MTA3: variants seen among roughly 807,000 people sequenced by gnomAD.
The protein encoded by MTA3 is metastasis associated 1 family member 3, also known as metastasis-associated protein MTA3.
A neutral mutation model predicts 83.5 loss-of-function variants in MTA3; 34 were observed. The ratio of observed to expected loss-of-function variants is 0.41; its 90% CI spans 0.31 to 0.54. The LOEUF (loss-of-function observed/expected upper bound fraction) is 0.54, where lower values mean the gene tolerates loss of function less well. Among genes scored for constraint, MTA3 ranks in the 20% least tolerant of loss-of-function variants. The pLI is 0.33. For synonymous variants in MTA3, 303 were observed against 252.7 expected (o/e 1.20, Z -1.89); for missense variants, 761 against 726.4 (o/e 1.05, Z -0.55).
chr2:42,610,707 A>G (rs530846705), intron 4 of MTA3, among the ~76,000 whole-genome samples: 1 of 152,170 alleles, frequency 6.6e-6, no homozygotes, highest in Non-Finnish European at 1.5e-5. Context: ...CTCGGTCAGG[A>G]AAGCTTCAAG....
At chr2:42,525,298 C>G (rs1469096488) in intron 2 of MTA3, among the ~76,000 whole-genome samples, 3 of 151,910 alleles carry the variant, frequency 2.0e-5, no homozygotes, top group East Asian at 3.9e-4. Flanking sequence ...CTCTCAGGTT[C>G]AAGCAATTCT....
At position 42,709,102 on chromosome 2, in the gene MTA3, A is replaced by G. The variant is rs901115718; in HGVS notation, c.1525+6A>G. The G allele has an allele frequency of 1.3e-6, 2 of 1,579,128 alleles. No individual in the cohort carries two copies. The highest frequency in any genetic ancestry group is 2.3e-5 in the South Asian group (2 of 87,762). On this transcript the variant is annotated splice_donor_region_variant and intron_variant, in intron 14 of 16. Coordinates refer to ENST00000405094, the MANE Select transcript of MTA3 (RefSeq NM_001330442.2). ...TGCTGCCATTAGGGCAGAATGTAAG[A>G]TGCTTTTAAATTCTTAACCTTATAT...
intron 2 of MTA3, among the ~76,000 whole-genome samples, chr2:42,527,037 A>T (rs1463024511): frequency 7.2e-6 from 1 of 139,462 alleles, no homozygotes; most frequent in Non-Finnish European, 1.5e-5. Context: ...CTGATAACAA[A>T]GCAAGACTCT....
chr2:42,550,967 C>A (rs1196805698), intron 2 of MTA3, among the ~76,000 whole-genome samples: 1 of 151,736 alleles, frequency 6.6e-6, no homozygotes, highest in Admixed American at 6.6e-5. Flanking sequence ...AGGAGAATAG[C>A]TTGAATCCAG....
chr2:42,652,063 C>G (rs753580796), intron 6 of MTA3, among the ~76,000 whole-genome samples: 10 of 151,918 alleles, frequency 6.6e-5, no homozygotes, highest in Non-Finnish European at 1.5e-4. Context: ...CGGCATTGCA[C>G]TCCAGGGTGG....
chr2:42,743,845 A>C (rs1669214846), intron 16 of MTA3, among the ~76,000 whole-genome samples: 1 of 152,152 alleles, frequency 6.6e-6, no homozygotes, highest in African/African-American at 2.4e-5. Flanking sequence ...GAATTCCAAA[A>C]AAAATAGACT....
rs141035482 is a variant in MTA3, at chr2:42,645,264, C to T, written c.499+1020C>T. On this transcript the variant is annotated intron_variant, in intron 6 of 16. Coordinates refer to ENST00000405094, the MANE Select transcript of MTA3 (RefSeq NM_001330442.2). ...AACAGGCTGGGTGCAGTGGCTCATG[C>T]CTTTAATCCCAGCACTTTGAGGGGC... Among the ~76,000 whole-genome samples, 511 of 151,624 alleles carry T rather than the reference C, an allele frequency of 3.4e-3. 7 individuals are homozygous for T. In the East Asian group the frequency reaches 0.05, roughly 15 times the overall value.
chr2:42,609,577 C>T lies in MTA3; in HGVS notation c.310C>T (p.His104Tyr). The T allele has an allele frequency of 6.2e-7, 1 of 1,613,512 alleles. No individual in the cohort carries two copies. Among genetic ancestry groups the T allele is most frequent in the Non-Finnish European group, 8.5e-7 (1 of 1,179,636 alleles). ...CCAGTATGAATCTCTGCCCGCAACACATATCAGGTAAGAACTTTTTAGGAA... is the reference window on the plus strand; with the variant it reads ...CCAGTATGAATCTCTGCCCGCAACATATATCAGGTAAGAACTTTTTAGGAA... ...SRQYESLPAT[H>Y]IRGKCSVALL... Residue 104 changes from histidine to tyrosine, a missense_variant, in exon 4 of 17, where the codon CAT (histidine) becomes TAT (tyrosine). Transcript: ENST00000405094.
chr2:42,636,689 C>T (rs1232698716), intron 4 of MTA3, among the ~76,000 whole-genome samples: 1 of 139,382 alleles, frequency 7.2e-6, no homozygotes, highest in Non-Finnish European at 1.5e-5. Context: ...TGCAGTGGTG[C>T]GATCTCGGCT....
intron 11 of MTA3, 54 bp from the exon 12 acceptor site, chr2:42,704,140 T>A: frequency 6.4e-7 from 1 of 1,567,194 alleles, no homozygotes; most frequent in Non-Finnish European, 8.7e-7. Context: ...GATATAGAGC[T>A]TTTTGCCTTA....
intron 2 of MTA3, among the ~76,000 whole-genome samples, chr2:42,578,691 G>A (rs1679306177): frequency 6.6e-6 from 1 of 152,140 alleles, no homozygotes; most frequent in Admixed American, 6.6e-5. Flanking sequence ...TGGACGAGGT[G>A]TGTTTAAATG....
intron 3 of MTA3, among the ~76,000 whole-genome samples, chr2:42,587,353 G>C (rs1680462629): frequency 6.6e-6 from 1 of 152,012 alleles, no homozygotes; most frequent in African/African-American, 2.4e-5. Flanking sequence ...ACATTTAAAA[G>C]ATACAAAAAT....
At chr2:42,626,556 A>G (rs895370369) in intron 4 of MTA3, among the ~76,000 whole-genome samples, 2 of 151,826 alleles carry the variant, frequency 1.3e-5, no homozygotes, top group African/African-American at 4.8e-5. Context: ...TCGGCCCCCC[A>G]AAGTGCTGGG....
intron 2 of MTA3, among the ~76,000 whole-genome samples, chr2:42,539,728 T>C (rs990395583): frequency 6.6e-6 from 1 of 151,608 alleles, no homozygotes; most frequent in Non-Finnish European, 1.5e-5. Flanking sequence ...ACTACAGTCA[T>C]GTGCCACCAT....
Position 42,530,564 on chromosome 2 carries a change from A to T in MTA3, c.-141+35310A>T, listed in dbSNP as rs1373339598. 2.6e-5 allele frequency among the ~76,000 whole-genome samples: 4 copies of T among 151,712 alleles called. No individual in the cohort carries two copies. The East Asian group carries it at 7.9e-4, about 30-fold the overall frequency. ...TTTGGGAGGCCGAGGCGGGCAGATC[A>T]CCTGAGGTCGGGAGTTTGAGACCAG... is the stretch of plus-strand genomic sequence containing the variant. On this transcript the variant is annotated intron_variant, in intron 2 of 17. Transcript: ENST00000405592.
chr2:42,541,329 C>T (rs1676509750), intron 2 of MTA3, among the ~76,000 whole-genome samples: 1 of 152,180 alleles, frequency 6.6e-6, no homozygotes, highest in African/African-American at 2.4e-5. Context: ...CTGCGCCCAG[C>T]CCAAATTTTG....
At chr2:42,546,736 G>A (rs1412685593) in intron 2 of MTA3, among the ~76,000 whole-genome samples, 2 of 152,058 alleles carry the variant, frequency 1.3e-5, no homozygotes, top group African/African-American at 2.4e-5. Context: ...TATTCCTTAC[G>A]CATGTTGCAA....
At chr2:42,527,094 T>C (rs1476016446) in intron 2 of MTA3, among the ~76,000 whole-genome samples, 1 of 149,734 alleles carries the variant, frequency 6.7e-6, no homozygotes, top group Non-Finnish European at 1.5e-5. Flanking sequence ...AGCAGCCATT[T>C]GCGGACTAGA....
intron 5 of MTA3, among the ~76,000 whole-genome samples, chr2:42,642,547 A>G (rs1380875893): frequency 2.0e-5 from 3 of 152,164 alleles, no homozygotes; most frequent in African/African-American, 7.2e-5. Flanking sequence ...AACTTCAGTT[A>G]CTGAGTAATA....
Sources: gnomAD v4.1 joint callset for allele counts (sites outside exome capture counted in the v4.1 genomes callset) on GRCh38, gnomAD v4.1.1 for gene constraint, MANE v1.5 for transcripts, NCBI Gene and HGNC (gene_info 2026-07-23, HGNC 2026-07-21) for gene names.